The following DYSF variants were observed in gnomAD, a reference collection of about 807,000 sequenced individuals.
The protein encoded by DYSF is dysferlin.
A neutral mutation model predicts 274.9 loss-of-function variants in DYSF; 212 were observed. That is an observed-to-expected ratio of 0.77 (90% CI 0.69 to 0.86). The LOEUF is 0.86. Among genes scored for constraint, DYSF ranks in the 40% least tolerant of loss-of-function variants. The pLI is 0.00. For missense variants in DYSF, 2,666 were observed against 2,783.2 expected, an observed-to-expected ratio of 0.96 and a Z score of 0.95; for synonymous variants, 1,091 against 1,078.7, an observed-to-expected ratio of 1.01 and a Z score of -0.22.
chr2:71,674,050 G>A, intron 51 of DYSF, 147 bp from the exon 52 acceptor site: 2 of 732,828 alleles, frequency 2.7e-6, no homozygotes, highest in Non-Finnish European at 4.9e-6. Context: ...GTCCTTCCCA[G>A]TCTTCCCACA....
At chr2:71,585,345 G>A (rs1358879405) in intron 30 of DYSF, among the ~76,000 whole-genome samples, 1 of 152,206 alleles carries the variant, frequency 6.6e-6, no homozygotes, top group Non-Finnish European at 1.5e-5. Flanking sequence ...TGGCCTCTCT[G>A]GGCAGGTGCC....
chr2:71,623,143 G>A (rs114747885), intron 41 of DYSF, among the ~76,000 whole-genome samples: 3,781 of 151,496 alleles, frequency 0.025, 153 homozygotes, highest in African/African-American at 0.086. Flanking sequence ...TAGTCGATTG[G>A]CTAATTGATA....
intron 16 of DYSF, 38 bp downstream of exon 16, chr2:71,535,349 C>A (rs2089216006): frequency 1.9e-6 from 3 of 1,598,454 alleles, no homozygotes; most frequent in Non-Finnish European, 1.7e-6. Flanking sequence ...GGCGGGCTGT[C>A]CTGAGGGGGC....
intron 19 of DYSF, among the ~76,000 whole-genome samples, chr2:71,552,614 C>T (rs920690725): frequency 3.9e-5 from 6 of 152,174 alleles, no homozygotes; most frequent in African/African-American, 1.4e-4. Context: ...TGGCATGGGG[C>T]AGGAGCTCTG....
intron 17 of DYSF, among the ~76,000 whole-genome samples, chr2:71,547,662 A>C (rs2090587569): frequency 6.6e-6 from 1 of 152,206 alleles, no homozygotes; most frequent in African/African-American, 2.4e-5. Context: ...AATAAAAAGA[A>C]AGAAAGAATG....
chr2:71,600,078 A>G (rs2093511558), intron 33 of DYSF, among the ~76,000 whole-genome samples: 1 of 152,132 alleles, frequency 6.6e-6, no homozygotes, highest in Non-Finnish European at 1.5e-5. Context: ...AGTGCAGAAC[A>G]GGGCGGGAGG....
At chr2:71,499,762 C>A (rs573666598) in intron 3 of DYSF, among the ~76,000 whole-genome samples, 2 of 152,324 alleles carry the variant, frequency 1.3e-5, no homozygotes, top group South Asian at 4.1e-4. Flanking sequence ...ACTTCTCCAC[C>A]CCCCACATTC....
intron 32 of DYSF, among the ~76,000 whole-genome samples, chr2:71,593,894 G>A (rs111250329): frequency 3.3e-5 from 5 of 152,168 alleles, no homozygotes; most frequent in African/African-American, 7.2e-5. Context: ...GGGCTCAGGC[G>A]GTCCAACTTG....
In DYSF at chr2:71,686,660, T is replaced by A; in HGVS notation, c.*168T>A. Reference sequence around the variant, plus strand: ...GCCCACACTCCCAGAGTTGCTAACATGGAGCTCTGAGATCACCCCACTTCC... The same window carrying A: ...GCCCACACTCCCAGAGTTGCTAACAAGGAGCTCTGAGATCACCCCACTTCC... On this transcript the variant is annotated 3_prime_UTR_variant, in exon 56 of 56. Coordinates refer to ENST00000410020, the MANE Select transcript of DYSF (RefSeq NM_001130987.2). The A allele has an allele frequency of 1.3e-6, 1 of 772,634 alleles. No individual in the cohort carries two copies. Among genetic ancestry groups the A allele is most frequent in the Non-Finnish European group, 2.2e-6 (1 of 448,552 alleles). 47.9% of individuals were successfully genotyped at this position (772,634 alleles called of 1,614,324 possible). A position where few individuals can be genotyped will look rare whatever the true frequency, so the allele number is the denominator to read the frequency against.
rs4852809 is a variant in DYSF at position 71,585,620 on chromosome 2, C to T, written c.3403-3973C>T. On this transcript the variant is annotated intron_variant, in intron 30 of 55. Coordinates refer to ENST00000410020, the MANE Select transcript of DYSF (RefSeq NM_001130987.2). The stretch of plus-strand genomic sequence containing the variant: ...AGGCATGACATTGGCGGATCCCCAC[C>T]GGGCCGGCCTGTGTCATCTGCCCTC... 4.6e-3 allele frequency among the ~76,000 whole-genome samples: 694 copies of T among 152,150 alleles called. 5 individuals are homozygous for T. The highest frequency in any genetic ancestry group is 0.014 in the African/African-American group (599 of 41,550).
chr2:71,601,636 C>G, intron 35 of DYSF, 108 bp downstream of exon 35: 2 of 1,468,344 alleles, frequency 1.4e-6, no homozygotes, highest in South Asian at 1.1e-5. Flanking sequence ...GATCCTGCCT[C>G]AAGCCCCCGG....
rs886043856 is a variant in DYSF, at chr2:71,454,006, G to A, written c.8G>A (p.Arg3Lys). 3 of 1,614,198 alleles carry A rather than the reference G, an allele frequency of 1.9e-6. No homozygotes were observed. Among genetic ancestry groups the A allele is most frequent in the Non-Finnish European group, 2.5e-6 (3 of 1,180,034 alleles). The stretch of plus-strand genomic sequence containing the variant: ...GCCCTACACGCGCCAAGCATGCTGA[G>A]GGTCTTCATCCTCTATGCCGAGAAC... The change falls in exon 1 of 55, where the codon AGG becomes AAG. Residue 3 changes from arginine (R) to lysine (K), a missense_variant. Arg to Lys is a conservative substitution (Grantham distance 26, BLOSUM62 2). Coordinates refer to the DYSF transcript ENST00000258104.
Position 71,498,969 on chromosome 2 carries a change from T to C in DYSF, c.240-4245T>C, listed in dbSNP as rs540244046. Among the ~76,000 whole-genome samples, 8 of 152,364 alleles carry C rather than the reference T, an allele frequency of 5.3e-5. No individual in the cohort carries two copies. In the South Asian group the frequency reaches 1.7e-3, roughly 32 times the overall value. ...TTTGTTGAATGAATAAATTCTAAGA[T>C]TTTTAAGGAGTTTTTACGTTTTGTT... is the stretch of plus-strand genomic sequence containing the variant. On this transcript the variant is annotated intron_variant, in intron 3 of 55. Coordinates refer to ENST00000410020, the MANE Select transcript of DYSF (RefSeq NM_001130987.2).
chr2:71,611,114 A>G, intron 36 of DYSF, 131 bp from the exon 37 acceptor site: 1 of 767,742 alleles, frequency 1.3e-6, no homozygotes, highest in East Asian at 2.7e-5. Context: ...CTGTTTGTCC[A>G]CTTCTGTCTT....
intron 1 of DYSF, among the ~76,000 whole-genome samples, chr2:71,476,021 C>G (rs1310780530): frequency 6.6e-6 from 1 of 152,172 alleles, no homozygotes; most frequent in Non-Finnish European, 1.5e-5. Context: ...ATCCTCCCAC[C>G]TCAGCCTCCC....
intron 41 of DYSF, among the ~76,000 whole-genome samples, chr2:71,624,925 C>G (rs1028320038): frequency 2.0e-5 from 3 of 152,164 alleles, no homozygotes; most frequent in Admixed American, 2.0e-4. Flanking sequence ...GAGATGTCAT[C>G]AGATACTGCC....
At chr2:71,645,776 T>C (rs968050514) in intron 42 of DYSF, among the ~76,000 whole-genome samples, 1 of 152,116 alleles carries the variant, frequency 6.6e-6, no homozygotes, top group Non-Finnish European at 1.5e-5. Flanking sequence ...GTATTTTCAC[T>C]TACTAAATCT....
chr2:71,553,760 C>CCCCCCCCCCCCCG, intron 20 of DYSF, 47 bp from the exon 21 acceptor site: 1 of 1,457,504 alleles, frequency 6.9e-7, no homozygotes, highest in Non-Finnish European at 9.4e-7. Context: ...CCATCCCACC[C>CCCCCCCCCCCCCG]GCCCTCCACT....
chr2:71,628,569 G>A (rs1325739952), intron 41 of DYSF, among the ~76,000 whole-genome samples: 2 of 151,922 alleles, frequency 1.3e-5, no homozygotes, highest in Non-Finnish European at 2.9e-5. Context: ...TTCACTAACA[G>A]TTATTTTCTG....
Sources: gnomAD v4.1 joint callset for allele counts (sites outside exome capture counted in the v4.1 genomes callset) on GRCh38, gnomAD v4.1.1 for gene constraint, MANE v1.5 for transcripts, NCBI Gene and HGNC (gene_info 2026-07-23, HGNC 2026-07-21) for gene names.